NOS1AP: variants seen among roughly 807,000 people sequenced by gnomAD.
NOS1AP encodes carboxyl-terminal PDZ ligand of neuronal nitric oxide synthase protein.
Under a neutral mutation model 56.2 loss-of-function variants are expected in NOS1AP, and 21 were observed. That is an observed-to-expected ratio of 0.37 (90% CI 0.26 to 0.54). NOS1AP has a LOEUF of 0.54. Among genes scored for constraint, NOS1AP ranks in the 20% least tolerant of loss-of-function variants. NOS1AP has a pLI of 0.84. For missense variants in NOS1AP, 522 were observed against 657.8 expected, an observed-to-expected ratio of 0.79 and a Z score of 2.26; for synonymous variants, 270 against 274.6, an observed-to-expected ratio of 0.98 and a Z score of 0.17.
At chr1:162,074,923 C>A (rs1691737218) in intron 1 of NOS1AP, among the ~76,000 whole-genome samples, 1 of 152,122 alleles carries the variant, frequency 6.6e-6, no homozygotes, top group Admixed American at 6.5e-5. Flanking sequence ...GTGTTCCAAG[C>A]AGGAAAGCAG....
chr1:162,111,196 G>A (rs569174421), intron 1 of NOS1AP, among the ~76,000 whole-genome samples: 1 of 152,364 alleles, frequency 6.6e-6, no homozygotes, highest in African/African-American at 2.4e-5. Context: ...TTGGGGGCTT[G>A]TCTGAGGTCA....
intron 5 of NOS1AP, chr1:162,342,599 C>A (rs1657143428): frequency 2.0e-6 from 1 of 496,790 alleles, no homozygotes; most frequent in Admixed American, 2.1e-5. Context: ...TTATACATTT[C>A]ATATTACCAT....
chr1:162,258,427 A>T (rs1218333028), intron 2 of NOS1AP, among the ~76,000 whole-genome samples: 1 of 152,092 alleles, frequency 6.6e-6, no homozygotes, highest in Non-Finnish European at 1.5e-5. Flanking sequence ...AATGGGTGGG[A>T]GACATAGGTG....
At chr1:162,283,106 G>C (rs112371387) in intron 2 of NOS1AP, among the ~76,000 whole-genome samples, 2,127 of 144,862 alleles carry the variant, frequency 0.015, 14 homozygotes, top group Non-Finnish European at 0.023. Flanking sequence ...CTCTCTCTCT[G>C]TGTGTGTGTG....
At chr1:162,296,686 A>AGTT (rs1244707825) in intron 3 of NOS1AP, among the ~76,000 whole-genome samples, 1 of 152,156 alleles carries the variant, frequency 6.6e-6, no homozygotes, top group African/African-American at 2.4e-5. Flanking sequence ...GAAAGAAAAT[A>AGTT]GTTCTGTATT....
intron 2 of NOS1AP, among the ~76,000 whole-genome samples, chr1:162,268,267 A>T (rs1460649052): frequency 1.3e-5 from 2 of 151,798 alleles, no homozygotes; most frequent in South Asian, 2.1e-4. Flanking sequence ...GAAAAAAAAA[A>T]AAAAAGATCT....
chr1:162,170,700 G>A (rs574816490), intron 2 of NOS1AP, among the ~76,000 whole-genome samples: 1 of 152,302 alleles, frequency 6.6e-6, no homozygotes, highest in South Asian at 2.1e-4. Context: ...GCTGAGGCAT[G>A]TAAATCACTT....
At position 162,297,652 on chromosome 1, in the gene NOS1AP, G is replaced by C. The variant is rs572342987; in HGVS notation, c.271-2981G>C. 7.9e-5 allele frequency among the ~76,000 whole-genome samples: 12 copies of C among 152,180 alleles called. No individual in the cohort carries two copies. The South Asian group carries it at 2.5e-3, about 32-fold the overall frequency. On this transcript the variant is annotated intron_variant, in intron 3 of 9. Coordinates refer to ENST00000361897, the MANE Select transcript of NOS1AP (RefSeq NM_014697.3). ...CTACAGATTATGGGGCGTCACCTCT[G>C]ACCCACTGTATTCATGTCTCTCAAG...
intron 1 of NOS1AP, among the ~76,000 whole-genome samples, chr1:162,131,335 C>T (rs749277074): frequency 3.3e-5 from 5 of 151,680 alleles, no homozygotes; most frequent in Non-Finnish European, 5.9e-5. Context: ...GGCCCACATA[C>T]CTCAACAGCT....
At chr1:162,209,444 C>A (rs1199209273) in intron 2 of NOS1AP, among the ~76,000 whole-genome samples, 2 of 152,068 alleles carry the variant, frequency 1.3e-5, no homozygotes, top group African/African-American at 2.4e-5. Context: ...TTAGGAGAAC[C>A]CAGTACAAAC....
At chr1:162,194,302 T>C (rs1055221037) in intron 2 of NOS1AP, among the ~76,000 whole-genome samples, 3 of 152,082 alleles carry the variant, frequency 2.0e-5, no homozygotes, top group African/African-American at 7.2e-5. Flanking sequence ...TTGGCTGCGA[T>C]GAGTTTGCAA....
intron 6 of NOS1AP, among the ~76,000 whole-genome samples, chr1:162,353,579 C>T (rs1389748957): frequency 1.3e-4 from 20 of 152,198 alleles, no homozygotes; most frequent in African/African-American, 4.6e-4. Flanking sequence ...GGAACACTTT[C>T]TCTGTGCCAG....
chr1:162,119,999 C>T (rs993907460), intron 1 of NOS1AP, among the ~76,000 whole-genome samples: 1 of 152,034 alleles, frequency 6.6e-6, no homozygotes, highest in Admixed American at 6.5e-5. Flanking sequence ...GTCTTTGGTG[C>T]TGCTGGTGGG....
rs561669692 is a variant in NOS1AP, at chr1:162,361,941, C to A, written c.940-3463C>A. Among the ~76,000 whole-genome samples, 20 of 152,284 alleles carry A rather than the reference C, an allele frequency of 1.3e-4. No individual in the cohort carries two copies. In the South Asian group the frequency reaches 4.1e-3, roughly 32 times the overall value. On this transcript the variant is annotated intron_variant, in intron 8 of 9. Transcript: ENST00000361897. ...CTTCAATGAGCCATTAACAAATTGC[C>A]TCCAGTACTGACCACAATGTCAACC...
chr1:162,115,235 C>G (rs766033551), intron 1 of NOS1AP, among the ~76,000 whole-genome samples: 2 of 152,126 alleles, frequency 1.3e-5, no homozygotes, highest in Admixed American at 6.5e-5. Context: ...AACAAGTATA[C>G]AAATTAAACA....
chr1:162,339,410 A>T (rs1032832446), intron 5 of NOS1AP, among the ~76,000 whole-genome samples: 2 of 151,858 alleles, frequency 1.3e-5, no homozygotes, highest in Admixed American at 1.3e-4. Context: ...TTAAAAAAAA[A>T]AAAAATCTAG....
intron 1 of NOS1AP, among the ~76,000 whole-genome samples, chr1:162,096,044 ACT>A (rs747203858): frequency 2.6e-5 from 4 of 152,178 alleles, no homozygotes; most frequent in Non-Finnish European, 5.9e-5. Flanking sequence ...TAATTTTGTT[ACT>A]GTTAGGTTAT....
chr1:162,100,279 T>A (rs1222296772), intron 1 of NOS1AP, among the ~76,000 whole-genome samples: 1 of 151,580 alleles, frequency 6.6e-6, no homozygotes, highest in Non-Finnish European at 1.5e-5. Flanking sequence ...TTTCTCCACA[T>A]CCTCTCCAGC....
At chr1:162,074,081 G>T (rs1370520243) in intron 1 of NOS1AP, among the ~76,000 whole-genome samples, 1 of 152,164 alleles carries the variant, frequency 6.6e-6, no homozygotes, top group South Asian at 2.1e-4. Context: ...TTTTTGATTT[G>T]CATTGGACTT....
Sources: gnomAD v4.1 joint callset for allele counts (sites outside exome capture counted in the v4.1 genomes callset) on GRCh38, gnomAD v4.1.1 for gene constraint, MANE v1.5 for transcripts, NCBI Gene and HGNC (gene_info 2026-07-23, HGNC 2026-07-21) for gene names.